ARHGEF37: variants seen among roughly 807,000 people sequenced by gnomAD.
ARHGEF37 encodes Rho guanine nucleotide exchange factor (GEF) 37.
Under a neutral mutation model 71.1 loss-of-function variants are expected in ARHGEF37, and 55 were observed. The ratio of observed to expected loss-of-function variants is 0.77; its 90% CI spans 0.62 to 0.97. The LOEUF (loss-of-function observed/expected upper bound fraction) is 0.97, where lower values mean the gene tolerates loss of function less well. ARHGEF37 is among the 50% of genes least tolerant of loss of function. ARHGEF37 has a pLI of 0.00. For synonymous variants in ARHGEF37, 327 were observed against 350.6 expected (o/e 0.93, Z 0.75); for missense variants, 765 against 836.8 (o/e 0.91, Z 1.06).
At chr5:149,614,828 G>T (rs1322285256) in intron 4 of ARHGEF37, among the ~76,000 whole-genome samples, 1 of 152,192 alleles carries the variant, frequency 6.6e-6, no homozygotes, top group African/African-American at 2.4e-5. Context: ...TTGGTCTGGA[G>T]ATTTTCCTAA....
chr5:149,613,590 C>T (rs1413165714), intron 4 of ARHGEF37, among the ~76,000 whole-genome samples: 1 of 152,108 alleles, frequency 6.6e-6, no homozygotes, highest in Non-Finnish European at 1.5e-5. Context: ...CGTGATCTGC[C>T]AGTCTTGACC....
At chr5:149,608,537 T>A (rs7721645) in intron 3 of ARHGEF37, among the ~76,000 whole-genome samples, 50,832 of 151,376 alleles carry the variant, frequency 0.34, 10,534 homozygotes, top group Non-Finnish European at 0.47. Flanking sequence ...CACACCCGGC[T>A]AATTTTTGTA....
At chr5:149,604,626 T>C (rs1763856716) in intron 3 of ARHGEF37, among the ~76,000 whole-genome samples, 1 of 150,830 alleles carries the variant, frequency 6.6e-6, no homozygotes, top group Non-Finnish European at 1.5e-5. Context: ...TTCTAGCCCC[T>C]AGGCCTTGCT....
intron 1 of ARHGEF37, among the ~76,000 whole-genome samples, chr5:149,558,976 G>T (rs949777287): frequency 6.6e-6 from 1 of 152,018 alleles, no homozygotes; most frequent in African/African-American, 2.4e-5. Flanking sequence ...GCAACAGAGC[G>T]AGACCTTGTC....
Position 149,616,758 on chromosome 5 carries a change from A to G in ARHGEF37, c.650A>G (p.Lys217Arg), listed in dbSNP as rs777235848. 6.2e-7 allele frequency: 1 copy of G among 1,601,756 alleles called. No individual in the cohort carries two copies. Among genetic ancestry groups the G allele is most frequent in the Admixed American group, 1.7e-5 (1 of 59,722 alleles). ...NTNINEYKMR[K>R]EVASKYTKVE... ...AATATCAATGAGTACAAGATGCGCA[A>G]GGAAGTGGGTAAGGACTTGGGCATT... The change falls in exon 5 of 13, where the codon AAG becomes AGG. Residue 217 changes from lysine (K) to arginine (R), a missense_variant. By Grantham distance (26) the Lys-to-Arg change is conservative. Transcript: ENST00000333677.
chr5:149,590,096 T>G (rs1332373796), intron 1 of ARHGEF37, among the ~76,000 whole-genome samples: 1 of 152,196 alleles, frequency 6.6e-6, no homozygotes, highest in Non-Finnish European at 1.5e-5. Flanking sequence ...ATTTCTGGAA[T>G]CCTGCAAAAT....
chr5:149,587,808 A>C (rs1310797646), intron 1 of ARHGEF37, among the ~76,000 whole-genome samples: 1 of 151,108 alleles, frequency 6.6e-6, no homozygotes. Flanking sequence ...CCTTCTGACT[A>C]TGGTGTCTAT....
At chr5:149,563,400 C>T (rs1165718057) in intron 1 of ARHGEF37, among the ~76,000 whole-genome samples, 1 of 152,210 alleles carries the variant, frequency 6.6e-6, no homozygotes, top group Non-Finnish European at 1.5e-5. Context: ...TTTCTACTTA[C>T]CTTCTAGCCC....
upstream of ARHGEF37, among the ~76,000 whole-genome samples, chr5:149,580,121 C>T (rs193099698): frequency 3.3e-5 from 5 of 151,644 alleles, no homozygotes; most frequent in East Asian, 2.0e-4. Context: ...AGTTCAGTGG[C>T]GTGATCTCAG....
intron 2 of ARHGEF37, among the ~76,000 whole-genome samples, chr5:149,598,187 C>T (rs753765038): frequency 3.9e-5 from 6 of 152,202 alleles, no homozygotes; most frequent in Middle Eastern, 3.4e-3. Context: ...AACTGGTGAG[C>T]GGAATAATCA....
chr5:149,583,080 C>G (rs1022483958), intron 1 of ARHGEF37, among the ~76,000 whole-genome samples: 1 of 152,206 alleles, frequency 6.6e-6, no homozygotes, highest in African/African-American at 2.4e-5. Context: ...GGAGTGTTTA[C>G]TGGGCTTCAC....
intron 1 of ARHGEF37, among the ~76,000 whole-genome samples, chr5:149,571,186 C>G (rs1762958620): frequency 6.6e-6 from 1 of 152,110 alleles, no homozygotes; most frequent in Admixed American, 6.5e-5. Flanking sequence ...AGGTGATCCA[C>G]CCACCTCAGC....
At chr5:149,606,423 C>T (rs1580914652) in intron 3 of ARHGEF37, among the ~76,000 whole-genome samples, 1 of 152,274 alleles carries the variant, frequency 6.6e-6, no homozygotes, top group South Asian at 2.1e-4. Flanking sequence ...GGACCATGCA[C>T]CTCTGGCCAC....
chr5:149,588,038 A>G (rs1480280879), intron 1 of ARHGEF37, among the ~76,000 whole-genome samples: 4 of 151,730 alleles, frequency 2.6e-5, no homozygotes, highest in African/African-American at 7.3e-5. Flanking sequence ...CTGGGATTAC[A>G]GGCGTGTGCC....
intron 10 of ARHGEF37, among the ~76,000 whole-genome samples, chr5:149,625,292 CTG>C (rs947759287): frequency 2.1e-4 from 32 of 152,164 alleles, no homozygotes; most frequent in African/African-American, 7.2e-4. Flanking sequence ...CCCAGGCAGT[CTG>C]TGTTTTAAAA....
rs954978828 is a variant in ARHGEF37, at chr5:149,555,562, G to T, written c.-12+3439G>T. 1.1e-4 allele frequency among the ~76,000 whole-genome samples: 16 copies of T among 151,016 alleles called. No homozygotes were observed. In the Admixed American group the frequency reaches 1.1e-3, roughly 10 times the overall value. On this transcript the variant is annotated intron_variant, in intron 1 of 2. Transcript: ENST00000505810. ...ACTCCTGGACTCAAGTGATCCTGAC[G>T]CCTCATCCTCCCAAAACGCTAGGAT...
rs1763625475 is a variant in ARHGEF37, at chr5:149,598,332, C to CTT, written c.186+377_186+378insTT. 3.9e-3 allele frequency among the ~76,000 whole-genome samples: 369 copies of CTT among 94,006 alleles called. 1 individual carries two copies. Among genetic ancestry groups the CTT allele is most frequent in the African/African-American group, 0.012 (305 of 25,720 alleles). The allele number at this position is 94,006 out of a possible 152,430, so 61.7% of individuals were successfully genotyped here. On this transcript the variant is annotated intron_variant, in intron 2 of 12. Transcript: ENST00000333677. ...CTTCTTCTTCTTCTTCTTCTTTCTT[C>CTT]CTCTTCCTCTTCCTCTTCTTCTTCC...
At chr5:149,609,822 TAGTC>T in intron 4 of ARHGEF37, 127 bp downstream of exon 4, 1 of 1,319,822 alleles carries the variant, frequency 7.6e-7, no homozygotes, top group South Asian at 1.4e-5. Flanking sequence ...GAGCCTGTGT[TAGTC>T]AGGATAGGGC....
At chr5:149,561,053 T>C (rs1345728855) in intron 1 of ARHGEF37, among the ~76,000 whole-genome samples, 1 of 152,018 alleles carries the variant, frequency 6.6e-6, no homozygotes, top group African/African-American at 2.4e-5. Flanking sequence ...AGCAGGTGGA[T>C]CACAAGGTCA....
Sources: allele counts gnomAD v4.1 joint callset (sites outside exome capture counted in the v4.1 genomes callset), GRCh38; gene constraint gnomAD v4.1.1; transcripts MANE v1.5; gene names NCBI Gene and HGNC (gene_info 2026-07-23, HGNC 2026-07-21).